PLGRKT: variants seen among roughly 807,000 people sequenced by gnomAD.
The protein encoded by PLGRKT is plasminogen receptor (KT).
Under a neutral mutation model 18.5 loss-of-function variants are expected in PLGRKT, and 22 were observed. The observed-to-expected ratio is 1.19, with a 90% confidence interval of 0.85 to 1.70. The LOEUF (loss-of-function observed/expected upper bound fraction) is 1.70. Among genes scored for constraint, PLGRKT ranks in the 40% most tolerant of loss-of-function variants. The pLI, the probability that PLGRKT is intolerant of heterozygous loss-of-function variation, is 0.00. For synonymous variants in PLGRKT, 72 were observed against 52.8 expected, an observed-to-expected ratio of 1.36 and a Z score of -1.58; for missense variants, 235 against 174.4, an observed-to-expected ratio of 1.35 and a Z score of -1.96.
chr9:5,404,281 C>A (rs1432162081), intron 3 of PLGRKT, among the ~76,000 whole-genome samples: 1 of 152,172 alleles, frequency 6.6e-6, no homozygotes, highest in African/African-American at 2.4e-5. Flanking sequence ...TCTATGAGGA[C>A]AGCATCATCC....
At position 5,420,139 on chromosome 9, in the gene PLGRKT, A is replaced by G. The variant is rs148555455; in HGVS notation, c.81+11758T>C. Among the ~76,000 whole-genome samples, 508 of 152,366 alleles carry G rather than the reference A, an allele frequency of 3.3e-3. 1 individual carries two copies. The highest frequency in any genetic ancestry group is 0.012 in the African/African-American group (480 of 41,578). ...CCAGACACAAAAGACTGCATATTCT[A>G]TGATTTCATTTACAGAAAATGCCCA... On this transcript the variant is annotated intron_variant, in intron 3 of 5. Transcript: ENST00000223864.
chr9:5,403,543 G>C (rs2131131923), intron 3 of PLGRKT, among the ~76,000 whole-genome samples: 1 of 152,250 alleles, frequency 6.6e-6, no homozygotes, highest in East Asian at 1.9e-4. Flanking sequence ...CATTCTTAAT[G>C]GTGTACATTT....
At chr9:5,395,293 T>C (rs775939053) in intron 3 of PLGRKT, among the ~76,000 whole-genome samples, 1 of 151,900 alleles carries the variant, frequency 6.6e-6, no homozygotes, top group Non-Finnish European at 1.5e-5. Context: ...ATATATGCTG[T>C]AGATATATGA....
chr9:5,389,652 C>T (rs10975090), intron 3 of PLGRKT, among the ~76,000 whole-genome samples: 43,122 of 151,546 alleles, frequency 0.28, 6,465 homozygotes, highest in Non-Finnish European at 0.3. Context: ...TTCTCTGCTT[C>T]GCAAATGATT....
intron 3 of PLGRKT, among the ~76,000 whole-genome samples, chr9:5,400,905 C>T (rs1353495588): frequency 6.6e-6 from 1 of 151,856 alleles, no homozygotes; most frequent in African/African-American, 2.4e-5. Context: ...TGAGGCACTG[C>T]TTTGTAAATT....
chr9:5,363,376 C>T (rs1042847801), intron 3 of PLGRKT, among the ~76,000 whole-genome samples: 3 of 151,744 alleles, frequency 2.0e-5, no homozygotes, highest in African/African-American at 7.3e-5. Context: ...CAGCCACTGG[C>T]TTATATTCAC....
chr9:5,414,897 T>A lies in PLGRKT; in HGVS notation c.81+17000A>T, dbSNP rs189815839. On this transcript the variant is annotated intron_variant, in intron 3 of 5. Transcript: ENST00000223864. ...TGGATTGGAAATAGAAGTGTCAATA[T>A]GAACTTCTGGTTTAGAAAATATACA... Among the ~76,000 whole-genome samples, 88 of 152,328 alleles carry A rather than the reference T, an allele frequency of 5.8e-4. 1 individual carries two copies. The highest frequency in any genetic ancestry group is 4.2e-3 in the Admixed American group (64 of 15,308).
At chr9:5,390,031 T>A (rs940752239) in intron 3 of PLGRKT, among the ~76,000 whole-genome samples, 1 of 151,370 alleles carries the variant, frequency 6.6e-6, no homozygotes, top group Non-Finnish European at 1.5e-5. Context: ...GCCACTGGGG[T>A]CAGACAGTCA....
At position 5,361,191 on chromosome 9, in the gene PLGRKT, T is replaced by C. The variant is rs199519372; in HGVS notation, c.213-4A>G. The C allele has an allele frequency of 1.1e-4, 170 of 1,552,098 alleles. No individual in the cohort carries two copies. The highest frequency in any genetic ancestry group is 1.4e-4 in the Non-Finnish European group (162 of 1,130,124). On this transcript the variant is annotated splice_region_variant and splice_polypyrimidine_tract_variant and intron_variant, in intron 4 of 5. Coordinates refer to ENST00000223864, the MANE Select transcript of PLGRKT (RefSeq NM_018465.4). Reference sequence around the variant, plus strand: ...TGGCTTCTTTTTTTTAATCGCTCTGTTTCAAGAATTAAAAGAAGAACCAAT... The same window carrying C: ...TGGCTTCTTTTTTTTAATCGCTCTGCTTCAAGAATTAAAAGAAGAACCAAT...
chr9:5,382,290 T>C (rs1305463185), intron 3 of PLGRKT, among the ~76,000 whole-genome samples: 1 of 152,160 alleles, frequency 6.6e-6, no homozygotes, highest in Non-Finnish European at 1.5e-5. Context: ...GTCATCACAG[T>C]TATGACAGGC....
At chr9:5,371,257 A>G (rs998122740) in intron 3 of PLGRKT, among the ~76,000 whole-genome samples, 7 of 152,222 alleles carry the variant, frequency 4.6e-5, no homozygotes, top group Admixed American at 2.6e-4. Context: ...CAGTAAGTTG[A>G]GCAGCTGACA....
chr9:5,425,619 G>C (rs185702583), intron 3 of PLGRKT, among the ~76,000 whole-genome samples: 2 of 152,078 alleles, frequency 1.3e-5, no homozygotes, highest in African/African-American at 4.8e-5. Context: ...CTCACCCCAG[G>C]CCATTACATT....
rs143039763 is a variant in PLGRKT, at chr9:5,424,764, C to T, written c.81+7133G>A. On this transcript the variant is annotated intron_variant, in intron 3 of 5. Transcript: ENST00000223864. ...AGAGACAGAGTTTTGTCACGTTGCCCGGGCTGGTCCCAAACTCCTGGGCTT... is the reference window on the plus strand; with the variant it reads ...AGAGACAGAGTTTTGTCACGTTGCCTGGGCTGGTCCCAAACTCCTGGGCTT... Among the ~76,000 whole-genome samples the T allele has an allele frequency of 2.5e-4, 36 of 145,768 alleles. No homozygotes were observed. In the East Asian group the frequency reaches 3.8e-3, roughly 15 times the overall value.
chr9:5,370,374 T>G (rs1817490450), intron 3 of PLGRKT, among the ~76,000 whole-genome samples: 1 of 152,234 alleles, frequency 6.6e-6, no homozygotes, highest in East Asian at 1.9e-4. Context: ...AAATTTCATT[T>G]GGACACACAA....
intron 3 of PLGRKT, among the ~76,000 whole-genome samples, chr9:5,369,015 C>T (rs893926282): frequency 2.6e-5 from 4 of 152,166 alleles, no homozygotes; most frequent in African/African-American, 9.7e-5. Context: ...TAGAAGAAAA[C>T]CTAGGCAATA....
intron 2 of PLGRKT, among the ~76,000 whole-genome samples, chr9:5,435,024 C>A (rs555664236): frequency 3.6e-4 from 54 of 152,046 alleles, no homozygotes; most frequent in African/African-American, 1.3e-3. Flanking sequence ...TTACCCCCAA[C>A]CCCCTGCTCT....
At chr9:5,426,136 T>C (rs147824085) in intron 3 of PLGRKT, among the ~76,000 whole-genome samples, 1,625 of 152,288 alleles carry the variant, frequency 0.011, 27 homozygotes, top group African/African-American at 0.037. Flanking sequence ...CCCTAGGGAC[T>C]TCTGGGACAT....
intron 3 of PLGRKT, among the ~76,000 whole-genome samples, chr9:5,367,030 TACACACACACACACAC>T (rs56259718): frequency 3.6e-5 from 4 of 112,312 alleles, no homozygotes; most frequent in East Asian, 4.7e-4. Context: ...TACACACACA[TACACACACACACACAC>T]ACACACACAC....
Position 5,412,547 on chromosome 9 carries a change from G to A in PLGRKT, c.81+19350C>T, listed in dbSNP as rs192292107. Among the ~76,000 whole-genome samples the A allele has an allele frequency of 2.0e-4, 30 of 152,196 alleles. No individual in the cohort carries two copies. In the East Asian group the frequency reaches 4.6e-3, roughly 23 times the overall value. ...TCTGTCTTATCATATGATGCTTCCCGCCATGTCCTGATGCAGAAGGAAGGA... is the reference window on the plus strand; with the variant it reads ...TCTGTCTTATCATATGATGCTTCCCACCATGTCCTGATGCAGAAGGAAGGA... On this transcript the variant is annotated intron_variant, in intron 3 of 5. Coordinates refer to ENST00000223864, the MANE Select transcript of PLGRKT (RefSeq NM_018465.4).
Sources: allele counts gnomAD v4.1 joint callset (sites outside exome capture counted in the v4.1 genomes callset), GRCh38; gene constraint gnomAD v4.1.1; transcripts MANE v1.5; gene names NCBI Gene and HGNC (gene_info 2026-07-23, HGNC 2026-07-21).